DOK6: variants seen among roughly 807,000 people sequenced by gnomAD.
The protein encoded by DOK6 is downstream of tyrosine kinase 6.
DOK6 carries 22 observed loss-of-function variants against 44.0 expected under a neutral mutation model. The ratio of observed to expected loss-of-function variants is 0.50; its 90% CI spans 0.36 to 0.71. The LOEUF (loss-of-function observed/expected upper bound fraction) is 0.71, where lower values mean the gene tolerates loss of function less well. Ranked by LOEUF, DOK6 falls within the 30% of genes least tolerant of loss-of-function variation. The pLI is 0.00. For synonymous variants in DOK6, 166 were observed against 145.5 expected (o/e 1.14, Z -1.01); for missense variants, 340 against 416.4 (o/e 0.82, Z 1.60).
chr18:69,832,647 GC>G (rs1396049077), intron 7 of DOK6: 1 of 151,796 alleles, frequency 6.6e-6, no homozygotes, highest in African/African-American at 2.4e-5. Context: ...TAGGTCCTGG[GC>G]TTTTCTTTGG....
intron 1 of DOK6, among the ~76,000 whole-genome samples, chr18:69,534,054 T>C (rs8087491): frequency 1.9e-4 from 29 of 152,254 alleles, no homozygotes; most frequent in African/African-American, 7.0e-4. Context: ...CAAAAGTACA[T>C]TACACGTATT....
chr18:69,549,376 G>T (rs1982500762), intron 1 of DOK6, among the ~76,000 whole-genome samples: 1 of 151,378 alleles, frequency 6.6e-6, no homozygotes, highest in Non-Finnish European at 1.5e-5. Context: ...TATTAAATTA[G>T]TAGTTGTAGG....
At chr18:69,530,090 A>G (rs1164949819) in intron 1 of DOK6, among the ~76,000 whole-genome samples, 1 of 152,150 alleles carries the variant, frequency 6.6e-6, no homozygotes, top group African/African-American at 2.4e-5. Context: ...TATTATTGTT[A>G]TTATTAATAT....
intron 4 of DOK6, 105 bp downstream of exon 4, chr18:69,677,958 A>G (rs1405230599): frequency 2.8e-6 from 4 of 1,446,700 alleles, no homozygotes; most frequent in Non-Finnish European, 2.7e-6. Flanking sequence ...ATATTTTTTA[A>G]ATCAAAAAGG....
At chr18:69,524,367 C>T (rs940819646) in intron 1 of DOK6, among the ~76,000 whole-genome samples, 2 of 151,996 alleles carry the variant, frequency 1.3e-5, no homozygotes, top group Non-Finnish European at 2.9e-5. Flanking sequence ...CATTCTTCAA[C>T]TTTCATATGA....
At chr18:69,562,077 G>A (rs568863757) in intron 1 of DOK6, among the ~76,000 whole-genome samples, 7 of 152,102 alleles carry the variant, frequency 4.6e-5, no homozygotes, top group African/African-American at 9.6e-5. Flanking sequence ...TAAAAGTTGT[G>A]GCCAATTTGC....
chr18:69,646,381 A>G (rs910032200), intron 3 of DOK6, among the ~76,000 whole-genome samples: 4 of 152,328 alleles, frequency 2.6e-5, no homozygotes, highest in African/African-American at 7.2e-5. Context: ...TAATGCAGAC[A>G]TGAGTATGAT....
intron 5 of DOK6, among the ~76,000 whole-genome samples, chr18:69,733,496 C>A (rs777487696): frequency 6.6e-6 from 1 of 152,202 alleles, no homozygotes; most frequent in Non-Finnish European, 1.5e-5. Context: ...AGCTAGTTAA[C>A]ATATGCATCA....
At chr18:69,820,202 G>A (rs1839402468) in intron 7 of DOK6, among the ~76,000 whole-genome samples, 1 of 152,094 alleles carries the variant, frequency 6.6e-6, no homozygotes, top group Non-Finnish European at 1.5e-5. Context: ...ATAATGTTTA[G>A]GCCATGATCT....
chr18:69,816,218 G>C (rs1981394441), intron 7 of DOK6, among the ~76,000 whole-genome samples: 1 of 152,164 alleles, frequency 6.6e-6, no homozygotes, highest in Non-Finnish European at 1.5e-5. Flanking sequence ...TCAAATTCCA[G>C]ACACGAAAGG....
intron 2 of DOK6, among the ~76,000 whole-genome samples, chr18:69,586,762 T>C (rs1422214460): frequency 2.0e-5 from 3 of 152,204 alleles, no homozygotes; most frequent in Non-Finnish European, 2.9e-5. Flanking sequence ...TTTCCCTGCA[T>C]TTCCTCCTGG....
intron 7 of DOK6, among the ~76,000 whole-genome samples, chr18:69,836,787 CCA>C (rs1982066854): frequency 6.6e-6 from 1 of 152,138 alleles, no homozygotes; most frequent in African/African-American, 2.4e-5. Flanking sequence ...TTAATTGAAG[CCA>C]CAGAGTTGAT....
At chr18:69,775,884 G>A (rs899487005) in intron 7 of DOK6, among the ~76,000 whole-genome samples, 43 of 151,874 alleles carry the variant, frequency 2.8e-4, no homozygotes, top group African/African-American at 1.0e-3. Context: ...GTCATTACAT[G>A]TTATCATTAG....
chr18:69,610,489 C>T (rs958003992), intron 3 of DOK6, among the ~76,000 whole-genome samples: 1 of 152,036 alleles, frequency 6.6e-6, no homozygotes, highest in African/African-American at 2.4e-5. Context: ...ATGGTGTATC[C>T]TTATTCCATG....
chr18:69,735,846 T>C (rs1426219100), intron 5 of DOK6, among the ~76,000 whole-genome samples: 1 of 152,210 alleles, frequency 6.6e-6, no homozygotes, highest in Non-Finnish European at 1.5e-5. Flanking sequence ...CATAGGCCTA[T>C]CCTAAAAATA....
intron 1 of DOK6, among the ~76,000 whole-genome samples, chr18:69,551,961 C>G (rs757511373): frequency 2.0e-5 from 3 of 152,206 alleles, no homozygotes; most frequent in African/African-American, 7.2e-5. Context: ...TACCCCAGTT[C>G]ACATACTTGG....
At chr18:69,677,927 C>G (rs1037685848) in intron 4 of DOK6, 74 bp downstream of exon 4, 125 of 1,536,552 alleles carry the variant, frequency 8.1e-5, no homozygotes, top group Non-Finnish European at 9.8e-5. Context: ...GAAAGGATCT[C>G]AGAAATGTTT....
At chr18:69,492,292 CCTT>C (rs1293717846) in intron 1 of DOK6, among the ~76,000 whole-genome samples, 9 of 152,080 alleles carry the variant, frequency 5.9e-5, no homozygotes, top group Non-Finnish European at 1.3e-4. Flanking sequence ...TGAGATGTCA[CCTT>C]CTTAGACAGC....
intron 3 of DOK6, among the ~76,000 whole-genome samples, chr18:69,639,284 C>A (rs565953190): frequency 1.8e-4 from 27 of 152,282 alleles, no homozygotes; most frequent in African/African-American, 5.8e-4. Context: ...CTCTAAGTGT[C>A]CTCCCATCCT....
Sources: allele counts gnomAD v4.1 joint callset (sites outside exome capture counted in the v4.1 genomes callset), GRCh38; gene constraint gnomAD v4.1.1; transcripts MANE v1.5; gene names NCBI Gene and HGNC (gene_info 2026-07-23, HGNC 2026-07-21).